PGBD5: variants seen among roughly 807,000 people sequenced by gnomAD.
PGBD5 encodes the protein piggyBac transposable element derived 5, also known as piggyBac transposable element-derived protein 5.
A neutral mutation model predicts 47.9 loss-of-function variants in PGBD5; 14 were observed. The ratio of observed to expected loss-of-function variants is 0.29; its 90% CI spans 0.19 to 0.46. The LOEUF (loss-of-function observed/expected upper bound fraction) is 0.46, where lower values mean the gene tolerates loss of function less well. Among genes scored for constraint, PGBD5 ranks in the 20% least tolerant of loss-of-function variants. PGBD5 has a pLI of 1.00. For synonymous variants in PGBD5, 316 were observed against 306.3 expected, an observed-to-expected ratio of 1.03 and a Z score of -0.33; for missense variants, 635 against 716.0, an observed-to-expected ratio of 0.89 and a Z score of 1.29.
chr1:230,361,679 C>T (rs965553267), intron 1 of PGBD5, among the ~76,000 whole-genome samples: 2 of 152,176 alleles, frequency 1.3e-5, no homozygotes, highest in African/African-American at 4.8e-5. Flanking sequence ...AACACAAGGG[C>T]AATTATGGAA....
chr1:230,386,110 T>A (rs905555443), intron 1 of PGBD5, among the ~76,000 whole-genome samples: 4 of 152,190 alleles, frequency 2.6e-5, no homozygotes. Flanking sequence ...GAGGATCGCT[T>A]GAGCTCAGGA....
intron 1 of PGBD5, among the ~76,000 whole-genome samples, chr1:230,401,906 C>T (rs965766297): frequency 1.3e-5 from 2 of 152,166 alleles, no homozygotes; most frequent in African/African-American, 2.4e-5. Flanking sequence ...CAAGGAGAGG[C>T]AAGGCTGCTG....
At chr1:230,421,952 C>T (rs1055909384) in intron 1 of PGBD5, among the ~76,000 whole-genome samples, 3 of 152,076 alleles carry the variant, frequency 2.0e-5, no homozygotes, top group Admixed American at 1.3e-4. Flanking sequence ...ATTAAAAAGG[C>T]TTTAAACCAA....
chr1:230,315,916 G>GTGTATATGTGTGCACATACATA lies in PGBD5; in HGVS notation c.*7508_*7509insTATGTATGTGCACACATATACA, dbSNP rs1666931338. Reference sequence around the variant, plus strand: ...TTTATGTGTACACATATATGTATATGTGTATATGTGTACACATATATGTAT... The same window carrying GTGTATATGTGTGCACATACATA: ...TTTATGTGTACACATATATGTATATGTGTATATGTGTGCACATACATATGTATATGTGTACACATATATGTAT... On this transcript the variant is annotated 3_prime_UTR_variant, in exon 7 of 7. Transcript: ENST00000391860. 2 of 141,300 alleles carry GTGTATATGTGTGCACATACATA rather than the reference G, an allele frequency of 1.4e-5. 1 individual carries two copies. Among genetic ancestry groups the GTGTATATGTGTGCACATACATA allele is most frequent in the Non-Finnish European group, 3.0e-5 (2 of 65,980 alleles). 8.8% of individuals were successfully genotyped at this position (141,300 alleles called of 1,614,324 possible). A position where few individuals can be genotyped will look rare whatever the true frequency, so the allele number is the denominator to read the frequency against.
At chr1:230,356,140 T>C (rs373760657) in intron 2 of PGBD5, among the ~76,000 whole-genome samples, 8 of 152,210 alleles carry the variant, frequency 5.3e-5, no homozygotes, top group Non-Finnish European at 1.2e-4. Context: ...GGGGCTCACA[T>C]GGACCAAGAA....
chr1:230,330,872 T>G (rs921139022), intron 5 of PGBD5, among the ~76,000 whole-genome samples: 1 of 152,236 alleles, frequency 6.6e-6, no homozygotes, highest in African/African-American at 2.4e-5. Context: ...ACATTAAACA[T>G]GAACACTAAA....
chr1:230,384,404 G>A (rs909161405), intron 1 of PGBD5, among the ~76,000 whole-genome samples: 2 of 151,956 alleles, frequency 1.3e-5, no homozygotes, highest in African/African-American at 4.8e-5. Flanking sequence ...CTGTGTAGAG[G>A]GACTCTGGGG....
At chr1:230,354,277 T>C (rs894005306) in intron 2 of PGBD5, among the ~76,000 whole-genome samples, 1 of 152,204 alleles carries the variant, frequency 6.6e-6, no homozygotes, top group African/African-American at 2.4e-5. Flanking sequence ...TGGAGCCACA[T>C]GCCCCAGGCT....
rs1657742944 is a variant in PGBD5, at chr1:230,425,086, CCAAGT to C, written c.331+507_331+511del. On this transcript the variant is annotated intron_variant, in intron 1 of 6. Transcript: ENST00000391860. This position sits in a 1 kb window ranked among gnomAD's most constrained non-coding sequence, Gnocchi z 4.7. ...TTCTCAGATTAAGGAGAAAACTAAG[CCAAGT>C]CAAGACGCCGCGGGTGGCCTCTCTC... Among the ~76,000 whole-genome samples the C allele has an allele frequency of 6.6e-6, 1 of 152,134 alleles. No homozygotes were observed. The highest frequency in any genetic ancestry group is 1.5e-5 in the Non-Finnish European group (1 of 68,028).
At chr1:230,327,560 G>A (rs1342933612) in intron 5 of PGBD5, among the ~76,000 whole-genome samples, 1 of 152,248 alleles carries the variant, frequency 6.6e-6, no homozygotes, top group Non-Finnish European at 1.5e-5. Context: ...GTTTCCTAAA[G>A]CTATCCAAGG....
At position 230,366,385 on chromosome 1, in the gene PGBD5, C is replaced by G. The variant is rs1667834407; in HGVS notation, c.332-9064G>C. On this transcript the variant is annotated intron_variant, in intron 1 of 6. Coordinates refer to ENST00000391860, the MANE Select transcript of PGBD5 (RefSeq NM_001258311.2). The stretch of plus-strand genomic sequence containing the variant: ...CTGTTCCTGTTTTTTTTTCCACTAT[C>G]TATCTGACTTCTGAGAAGCTGCAGT... Among the ~76,000 whole-genome samples, 4 of 151,978 alleles carry G rather than the reference C, an allele frequency of 2.6e-5. No homozygotes were observed. In the South Asian group the frequency reaches 8.3e-4, roughly 32 times the overall value.
rs779606394 is a variant in PGBD5 at position 230,377,602 on chromosome 1, C to G, written c.332-20281G>C. On this transcript the variant is annotated intron_variant, in intron 1 of 6. Transcript: ENST00000391860. ...GAGAGTACTTTGCACGAAGAGAGCT[C>G]GAGTTCTGTAGTCAGGCATATCTGA... 6 of 1,566,732 alleles carry G rather than the reference C, an allele frequency of 3.8e-6. No individual in the cohort carries two copies. In the African/African-American group the frequency reaches 8.2e-5, roughly 21 times the overall value.
Position 230,371,344 on chromosome 1 carries a change from T to A in PGBD5, c.332-14023A>T, listed in dbSNP as rs191319610. On this transcript the variant is annotated intron_variant, in intron 1 of 6. Transcript: ENST00000391860. Reference sequence around the variant, plus strand: ...TGCTGGGCAGGAGGGGCAGCTTTCTTGAGATAGTCGGGCCAGGCCATCGAG... The same window carrying A: ...TGCTGGGCAGGAGGGGCAGCTTTCTAGAGATAGTCGGGCCAGGCCATCGAG... 6.6e-5 allele frequency among the ~76,000 whole-genome samples: 10 copies of A among 152,238 alleles called. No individual in the cohort carries two copies. The East Asian group carries it at 7.7e-4, about 12-fold the overall frequency.
rs774807655 is a variant in PGBD5, at chr1:230,316,027, TAC to T, written c.*7396_*7397del. 3.0e-5 allele frequency: 4 copies of T among 133,046 alleles called. No homozygotes were observed. The highest frequency in any genetic ancestry group is 1.2e-4 in the African/African-American group (4 of 33,428). The allele number at this position is 133,046 out of a possible 1,614,324, so 8.2% of individuals were successfully genotyped here. ...ATGTGTACACATATATGTATGTGTA[TAC>T]ATACATAAGTATATGTGTACACATA... On this transcript the variant is annotated 3_prime_UTR_variant, in exon 7 of 7. Coordinates refer to ENST00000391860, the MANE Select transcript of PGBD5 (RefSeq NM_001258311.2).
At chr1:230,352,558 C>T (rs1342456606) in intron 2 of PGBD5, among the ~76,000 whole-genome samples, 2 of 152,190 alleles carry the variant, frequency 1.3e-5, no homozygotes, top group East Asian at 3.9e-4. Context: ...AAGTGACAGC[C>T]CTGCACTGTT....
chr1:230,424,886 C>A lies in PGBD5; in HGVS notation c.331+712G>T, dbSNP rs143122924. ...GTGGGGCAGCCGCAGCTGCCAGCAC[C>A]CTAGCCACCTTCTCCAGGTATTCGG... On this transcript the variant is annotated intron_variant, in intron 1 of 6. Transcript: ENST00000391860. Among the ~76,000 whole-genome samples, 11 of 152,340 alleles carry A rather than the reference C, an allele frequency of 7.2e-5. No homozygotes were observed. In the East Asian group the frequency reaches 1.9e-3, roughly 27 times the overall value.
intron 1 of PGBD5, among the ~76,000 whole-genome samples, chr1:230,385,318 T>C (rs11585480): frequency 0.018 from 2,685 of 152,318 alleles, 40 homozygotes; most frequent in Non-Finnish European, 0.027. Context: ...AATTGCCTTG[T>C]TTTTTAAGGG....
At chr1:230,338,933 T>C (rs1469906075) in intron 3 of PGBD5, among the ~76,000 whole-genome samples, 1 of 152,222 alleles carries the variant, frequency 6.6e-6, no homozygotes, top group Non-Finnish European at 1.5e-5. Context: ...CTTGGGTAGG[T>C]TGGGCCCATG....
chr1:230,365,239 G>C (rs1409457139), intron 1 of PGBD5, among the ~76,000 whole-genome samples: 1 of 149,800 alleles, frequency 6.7e-6, no homozygotes, highest in Non-Finnish European at 1.5e-5. Flanking sequence ...CTTGAACTCA[G>C]GAGGCAGAAG....
Sources: allele counts gnomAD v4.1 joint callset (sites outside exome capture counted in the v4.1 genomes callset), GRCh38; gene constraint gnomAD v4.1.1; non-coding constraint Gnocchi (gnomAD v3.1); transcripts MANE v1.5; gene names NCBI Gene and HGNC (gene_info 2026-07-23, HGNC 2026-07-21).